The following SF1 variants were observed in gnomAD, a reference collection of about 807,000 sequenced individuals.
SF1 encodes the protein splicing factor 1, also known as branch point-binding protein.
SF1 carries 7 observed loss-of-function variants against 62.5 expected under a neutral mutation model. The observed-to-expected ratio is 0.11, with a 90% CI of 0.06 to 0.21. The LOEUF (loss-of-function observed/expected upper bound fraction) is 0.21. SF1 is among the 10% of genes least tolerant of loss of function. The pLI, the probability that SF1 is intolerant of heterozygous loss-of-function variation, is 1.00. For synonymous variants in SF1, 394 were observed against 323.6 expected, an observed-to-expected ratio of 1.22 and a Z score of -2.33; for missense variants, 578 against 884.0, an observed-to-expected ratio of 0.65 and a Z score of 4.39.
rs149608417 is a variant in SF1, at chr11:64,772,922, G to T, written c.236+508C>A. Reference sequence around the variant, plus strand: ...GGCTGAAAGTTAACTGGCAGTGAAAGAAGTTGGTTAGAAATCTCATCTGAT... The same window carrying T: ...GGCTGAAAGTTAACTGGCAGTGAAATAAGTTGGTTAGAAATCTCATCTGAT... On this transcript the variant is annotated intron_variant, in intron 3 of 12. Transcript: ENST00000377390. 5 of 986,832 alleles carry T rather than the reference G, an allele frequency of 5.1e-6. No individual in the cohort carries two copies. In the African/African-American group the frequency reaches 5.2e-5, roughly 10 times the overall value. 61.1% of individuals were successfully genotyped at this position (986,832 alleles called of 1,614,324 possible).
At chr11:64,776,921 G>A (rs750486423) in intron 1 of SF1, among the ~76,000 whole-genome samples, 3 of 152,092 alleles carry the variant, frequency 2.0e-5, no homozygotes, top group African/African-American at 7.3e-5. Context: ...GCTGCAGAGA[G>A]TGTTAGATAG....
Position 64,776,454 on chromosome 11 carries a change from CG to C in SF1, c.160+43del, listed in dbSNP as rs755013376. 698 of 1,522,016 alleles carry C rather than the reference CG, an allele frequency of 4.6e-4. 4 individuals are homozygous for C. Among genetic ancestry groups the C allele is most frequent in the Middle Eastern group, 2.1e-3 (12 of 5,774 alleles). 94.3% of individuals were successfully genotyped at this position (1,522,016 alleles called of 1,614,324 possible). A position where few individuals can be genotyped will look rare whatever the true frequency, so the allele number is the denominator to read the frequency against. On this transcript the variant is annotated intron_variant, in intron 2 of 12. Coordinates refer to ENST00000377390, the MANE Select transcript of SF1 (RefSeq NM_004630.4). ...AATGCAGATCTTGCTCAGAATAAAT[CG>C]TAACAATCTCAAAGTGCATTTGGAT...
intron 2 of SF1, 115 bp from the exon 3 acceptor site, chr11:64,773,620 G>A (rs934879352): frequency 1.7e-5 from 21 of 1,209,858 alleles, no homozygotes; most frequent in African/African-American, 7.8e-5. Flanking sequence ...TGAAAGGGAC[G>A]ACTGATCAGT....
At chr11:64,772,354 AAACAC>A (rs1399634995) in intron 3 of SF1, 3 of 984,092 alleles carry the variant, frequency 3.0e-6, no homozygotes, top group Non-Finnish European at 3.6e-6. Context: ...AAAAGAAACG[AAACAC>A]AACACAACCC....
rs1053119776 is a variant in SF1, at chr11:64,778,444, T to A, written c.-52A>T. ...CCTGCTTTTCCTCTGCGGCGGCTTC[T>A]CCTTCGCAAGCCTCCCGGGGGGAGG... On this transcript the variant is annotated 5_prime_UTR_variant, in exon 1 of 13. Transcript: ENST00000377390. The A allele has an allele frequency of 1.6e-6, 2 of 1,215,696 alleles. No homozygotes were observed. The highest frequency in any genetic ancestry group is 3.2e-5 in the African/African-American group (2 of 63,160). 75.3% of individuals were successfully genotyped at this position (1,215,696 alleles called of 1,614,324 possible). A position where few individuals can be genotyped will look rare whatever the true frequency, so the allele number is the denominator to read the frequency against.
intron 1 of SF1, chr11:64,778,077 G>C (rs1472639544): frequency 1.0e-6 from 1 of 968,126 alleles, no homozygotes; most frequent in African/African-American, 1.8e-5. Flanking sequence ...TGGTAGAGCG[G>C]CGGCGGAGGG....
In SF1 at chr11:64,765,504, C is replaced by A; in HGVS notation, c.*314G>T. 6.2e-7 allele frequency: 1 copy of A among 1,610,240 alleles called. No homozygotes were observed. The highest frequency in any genetic ancestry group is 8.5e-7 in the Non-Finnish European group (1 of 1,178,422). On this transcript the variant is annotated 3_prime_UTR_variant, in exon 13 of 13. Transcript: ENST00000377390. ...ACTCTCATGGCTCGGGCCATCGCCG[C>A]CGCGGGGAGGGATCCTGGCGGCCCG... is the stretch of plus-strand genomic sequence containing the variant.
chr11:64,765,224 GA>G lies in SF1; in HGVS notation c.*593del. ...TTGGTAAGGGAAGGAGAACTGGAGAGAAGGGAAAGGAATCTAAATTGCAGCA... is the reference window on the plus strand; with the variant it reads ...TTGGTAAGGGAAGGAGAACTGGAGAGAGGGAAAGGAATCTAAATTGCAGCA... On this transcript the variant is annotated 3_prime_UTR_variant, in exon 13 of 13. Transcript: ENST00000377390. 1 of 449,728 alleles carries G rather than the reference GA, an allele frequency of 2.2e-6. No homozygotes were observed. 27.9% of individuals were successfully genotyped at this position (449,728 alleles called of 1,614,324 possible).
chr11:64,769,693 GGGAAACCACAA>G (rs913318777), intron 5 of SF1, 84 bp from the exon 6 acceptor site: 6 of 1,255,662 alleles, frequency 4.8e-6, no homozygotes, highest in Non-Finnish European at 6.7e-6. Context: ...TGGCATTGGT[GGGAAACCACAA>G]GCGCAGAGAA....
intron 12 of SF1, 31 bp downstream of exon 12, chr11:64,766,869 C>CCCCCCCCCCA: frequency 8.5e-7 from 1 of 1,173,010 alleles, no homozygotes; most frequent in Non-Finnish European, 1.2e-6. Context: ...CCATCCCACC[C>CCCCCCCCCCA]ACCCCCACAA....
intron 1 of SF1, chr11:64,778,135 A>C: frequency 1.3e-6 from 1 of 751,584 alleles, no homozygotes; most frequent in Non-Finnish European, 1.7e-6. Flanking sequence ...GTGGCGGTGG[A>C]GGCGGCGGCG....
At chr11:64,770,558 C>A in intron 3 of SF1, 150 bp from the exon 4 acceptor site, 1 of 795,208 alleles carries the variant, frequency 1.3e-6, no homozygotes, top group East Asian at 2.7e-5. Context: ...TACTCAAGAT[C>A]GTGTGGAATG....
chr11:64,770,252 T>C lies in SF1; in HGVS notation c.389+4A>G. 1 of 1,611,248 alleles carries C rather than the reference T, an allele frequency of 6.2e-7. No homozygotes were observed. The highest frequency in any genetic ancestry group is 1.3e-5 in the African/African-American group (1 of 75,008). ...ATCCCAGATGACCGAGCCCCTCCGC[T>C]TACTTGTAATCTGCAGGTGGCTTGA... On this transcript the variant is annotated splice_donor_region_variant and intron_variant, in intron 4 of 12. Coordinates refer to ENST00000377390, the MANE Select transcript of SF1 (RefSeq NM_004630.4).
At chr11:64,768,522 A>G (rs1937732877) in intron 8 of SF1, among the ~76,000 whole-genome samples, 1 of 152,256 alleles carries the variant, frequency 6.6e-6, no homozygotes, top group Non-Finnish European at 1.5e-5. Flanking sequence ...CGAAGAGCAC[A>G]GGAGACCCTG....
intron 3 of SF1, 63 bp from the exon 4 acceptor site, chr11:64,770,471 T>A (rs1328295486): frequency 3.2e-6 from 5 of 1,565,928 alleles, no homozygotes; most frequent in African/African-American, 2.7e-5. Flanking sequence ...ACACGGACTA[T>A]AACAAGTCTT....
rs571604447 is a variant in SF1, at chr11:64,774,952, TCA to T, written c.161-1449_161-1448del. Among the ~76,000 whole-genome samples the T allele has an allele frequency of 5.1e-4, 72 of 140,984 alleles. No homozygotes were observed. In the East Asian group the frequency reaches 0.015, roughly 29 times the overall value. 92.5% of individuals were successfully genotyped at this position (140,984 alleles called of 152,430 possible). ...CTCCAGCCTGGCGACACAGCAAGACTCAGTCTCTCAAAAAAAAAAAAAAAAAG... is the reference window on the plus strand; with the variant it reads ...CTCCAGCCTGGCGACACAGCAAGACTGTCTCTCAAAAAAAAAAAAAAAAAG... On this transcript the variant is annotated intron_variant, in intron 2 of 12. Transcript: ENST00000377390.
rs760947822 is a variant in SF1, at chr11:64,767,508, G to A, written c.1342+63C>T. 28 of 1,471,674 alleles carry A rather than the reference G, an allele frequency of 1.9e-5. 1 individual carries two copies. In the East Asian group the frequency reaches 3.0e-4, roughly 16 times the overall value. 91.2% of individuals were successfully genotyped at this position (1,471,674 alleles called of 1,614,324 possible). On this transcript the variant is annotated intron_variant, in intron 10 of 12. Coordinates refer to ENST00000377390, the MANE Select transcript of SF1 (RefSeq NM_004630.4). ...TTGAGAGCTGCTTCTAGCCAACAGC[G>A]ACCTGACGTAACCCCTTGCTTATCC...
Position 64,767,046 on chromosome 11 carries a change from G to C in SF1, c.1436C>G (p.Pro479Arg), listed in dbSNP as rs371270819. The change falls in exon 12 of 13, where the codon CCG becomes CGG. Residue 479 changes from proline to arginine, a missense_variant. Around this residue, in one of 7 missense-constraint regions of SF1, gnomAD observed 410 missense variants for 452.4 expected, o/e 0.91. Transcript: ENST00000377390. Reference sequence around the variant, plus strand: ...CCCACTGGGAGGCGGCGGCGGCGGCGGCATCATGCCCATAGGTGGTGGCGG... The same window carrying C: ...CCCACTGGGAGGCGGCGGCGGCGGCCGCATCATGCCCATAGGTGGTGGCGG... ...MMPPPPMGMM[P>R]PPPPPPSGQP... The C allele has an allele frequency of 6.4e-7, 1 of 1,559,176 alleles. No homozygotes were observed. Among genetic ancestry groups the C allele is most frequent in the Non-Finnish European group, 8.7e-7 (1 of 1,150,888 alleles).
rs2058514041 is a variant in SF1 at position 64,764,610 on chromosome 11, G to A, written c.*1208C>T. On this transcript the variant is annotated 3_prime_UTR_variant, in exon 13 of 13. Transcript: ENST00000377390. ...AAAAGAAAATAAAGAAGCAGACCCA[G>A]AAAACCACACTGCTCTTTTATTCAA... The A allele has an allele frequency of 6.6e-6, 1 of 152,530 alleles. No homozygotes were observed. The highest frequency in any genetic ancestry group is 1.5e-5 in the Non-Finnish European group (1 of 68,058). The allele number at this position is 152,530 out of a possible 1,614,324, so 9.4% of individuals were successfully genotyped here.
Sources: allele counts gnomAD v4.1 joint callset (sites outside exome capture counted in the v4.1 genomes callset), GRCh38; gene constraint gnomAD v4.1.1; regional missense constraint gnomAD v4.1.1; transcripts MANE v1.5; gene names NCBI Gene and HGNC (gene_info 2026-07-23, HGNC 2026-07-21).